BICD1: variants seen among roughly 807,000 people sequenced by gnomAD.
BICD1 encodes the protein protein bicaudal D homolog 1.
BICD1 carries 35 observed loss-of-function variants against 92.5 expected under a neutral mutation model. That is an observed-to-expected ratio of 0.38 (90% CI 0.29 to 0.50). The LOEUF (loss-of-function observed/expected upper bound fraction) is 0.50, where lower values mean the gene tolerates loss of function less well. BICD1 is among the 20% of genes least tolerant of loss of function. BICD1 has a pLI of 0.93. For synonymous variants in BICD1, 429 were observed against 465.1 expected, an observed-to-expected ratio of 0.92 and a Z score of 1.00; for missense variants, 950 against 1,189.8, an observed-to-expected ratio of 0.80 and a Z score of 2.97.
intron 1 of BICD1, among the ~76,000 whole-genome samples, chr12:32,183,227 G>A (rs1592433755): frequency 1.5e-5 from 2 of 136,070 alleles, no homozygotes; most frequent in African/African-American, 5.4e-5. Flanking sequence ...ATTTCTCTGT[G>A]TTTCTACAGG....
chr12:32,239,564 C>T (rs1404928268), intron 2 of BICD1, among the ~76,000 whole-genome samples: 6 of 149,212 alleles, frequency 4.0e-5, no homozygotes, highest in Non-Finnish European at 7.4e-5. Context: ...GGTGCGATCT[C>T]GGCTCACGAT....
At chr12:32,151,202 A>T (rs759193796) in intron 1 of BICD1, among the ~76,000 whole-genome samples, 1 of 152,212 alleles carries the variant, frequency 6.6e-6, no homozygotes, top group Non-Finnish European at 1.5e-5. Context: ...GTTCCCACAT[A>T]GAAGCACAGG....
chr12:32,338,158 A>G, intron 7 of BICD1: 1 of 236,006 alleles, frequency 4.2e-6, no homozygotes, highest in Non-Finnish European at 8.4e-6. Flanking sequence ...GATATTAAGA[A>G]TGAAGCTGTG....
chr12:32,121,633 C>G (rs991485631), intron 1 of BICD1, among the ~76,000 whole-genome samples: 1 of 147,878 alleles, frequency 6.8e-6, no homozygotes, highest in African/African-American at 2.5e-5. Context: ...AAAATAAAAG[C>G]GCTGAGGTGG....
chr12:32,303,387 A>G (rs890436705), intron 3 of BICD1, among the ~76,000 whole-genome samples: 2 of 152,208 alleles, frequency 1.3e-5, no homozygotes, highest in African/African-American at 4.8e-5. Flanking sequence ...AGAGCACCAC[A>G]GTGTTTCGGT....
intron 2 of BICD1, among the ~76,000 whole-genome samples, chr12:32,256,213 C>T (rs1161949979): frequency 6.6e-6 from 1 of 152,088 alleles, no homozygotes; most frequent in Non-Finnish European, 1.5e-5. Context: ...CTACCATGCC[C>T]AGCTAATTTT....
At chr12:32,232,015 C>A (rs1043685342) in intron 2 of BICD1, among the ~76,000 whole-genome samples, 2 of 151,010 alleles carry the variant, frequency 1.3e-5, no homozygotes, top group African/African-American at 4.9e-5. Context: ...GGTTCCAAGT[C>A]TTTGCTATTG....
intron 2 of BICD1, among the ~76,000 whole-genome samples, chr12:32,229,232 C>T (rs1329336012): frequency 6.6e-6 from 1 of 152,076 alleles, no homozygotes; most frequent in Non-Finnish European, 1.5e-5. Flanking sequence ...GTCTTGGCGA[C>T]AGAGCAAGAC....
intron 1 of BICD1, among the ~76,000 whole-genome samples, chr12:32,172,665 G>C (rs1266849001): frequency 6.6e-6 from 1 of 152,148 alleles, no homozygotes; most frequent in African/African-American, 2.4e-5. Context: ...TAGTCCTCCA[G>C]GGTTTTTATG....
intron 1 of BICD1, among the ~76,000 whole-genome samples, chr12:32,162,546 A>T (rs1187412574): frequency 6.6e-6 from 1 of 152,218 alleles, no homozygotes; most frequent in Non-Finnish European, 1.5e-5. Flanking sequence ...GCTTTGAGGA[A>T]TAAATAAGAA....
chr12:32,231,209 A>G (rs1945876306), intron 2 of BICD1, among the ~76,000 whole-genome samples: 2 of 152,300 alleles, frequency 1.3e-5, no homozygotes, highest in South Asian at 2.1e-4. Context: ...TAGGCTGAGC[A>G]TGGTGACTCA....
chr12:32,203,822 A>C (rs532695858), intron 1 of BICD1, among the ~76,000 whole-genome samples: 1 of 152,132 alleles, frequency 6.6e-6, no homozygotes, highest in African/African-American at 2.4e-5. Flanking sequence ...TGCTATCCCT[A>C]TCCAACTCAA....
At chr12:32,330,954 G>C (rs1168534233) in intron 5 of BICD1, among the ~76,000 whole-genome samples, 2 of 152,206 alleles carry the variant, frequency 1.3e-5, no homozygotes, top group African/African-American at 4.8e-5. Flanking sequence ...GACCAACATG[G>C]AGAAACACCG....
chr12:32,119,112 T>C (rs1220645640), intron 1 of BICD1, among the ~76,000 whole-genome samples: 4 of 152,136 alleles, frequency 2.6e-5, no homozygotes, highest in Non-Finnish European at 4.4e-5. Context: ...GACTGGGGAA[T>C]GTGATTTTTA....
chr12:32,221,266 A>G (rs1393939111), intron 2 of BICD1, among the ~76,000 whole-genome samples: 1 of 150,218 alleles, frequency 6.7e-6, no homozygotes, highest in South Asian at 2.1e-4. Context: ...AAAAATTAAA[A>G]AATTTAAAAA....
At chr12:32,373,719 A>AC (rs1411009662) in intron 9 of BICD1, among the ~76,000 whole-genome samples, 2 of 151,674 alleles carry the variant, frequency 1.3e-5, no homozygotes, top group Non-Finnish European at 2.9e-5. Flanking sequence ...AAAAAAAAAA[A>AC]AATACAAAAA....
chr12:32,240,692 A>T (rs1946212083), intron 2 of BICD1, among the ~76,000 whole-genome samples: 2 of 152,196 alleles, frequency 1.3e-5, no homozygotes, highest in South Asian at 4.1e-4. Context: ...GGAACTGGAT[A>T]TCTTTGGGGA....
intron 8 of BICD1, among the ~76,000 whole-genome samples, chr12:32,354,342 A>T (rs1939014706): frequency 6.6e-6 from 1 of 152,178 alleles, no homozygotes; most frequent in African/African-American, 2.4e-5. Context: ...AACTATATGC[A>T]GTTGTCATTT....
At position 32,107,405 on chromosome 12, in the gene BICD1, C is replaced by A; in HGVS notation, c.74C>A (p.Thr25Lys). ...TEIERLTKEL[T>K]ETTHEKIQAA... Reference sequence around the variant, plus strand: ...ATAGAGAGGCTAACCAAGGAGCTCACGGAGACCACCCACGAGAAGATCCAG... The same window carrying A: ...ATAGAGAGGCTAACCAAGGAGCTCAAGGAGACCACCCACGAGAAGATCCAG... Residue 25 changes from threonine (T) to lysine (K), a missense_variant, in exon 1 of 10, where the codon ACG becomes AAG. Thr to Lys is a moderately conservative substitution (Grantham distance 78). Transcript: ENST00000652176. 6 of 1,612,000 alleles carry A rather than the reference C, an allele frequency of 3.7e-6. No individual in the cohort carries two copies. Among genetic ancestry groups the A allele is most frequent in the Middle Eastern group, 3.3e-4 (2 of 6,062 alleles).
Sources: gnomAD v4.1 joint callset for allele counts (sites outside exome capture counted in the v4.1 genomes callset) on GRCh38, gnomAD v4.1.1 for gene constraint, MANE v1.5 for transcripts, NCBI Gene and HGNC (gene_info 2026-07-23, HGNC 2026-07-21) for gene names.